Variants in SERPINB9 observed in about 807,000 individuals in gnomAD.
SERPINB9 encodes serpin B9.
A neutral mutation model predicts 27.2 loss-of-function variants in SERPINB9; 20 were observed. The observed-to-expected ratio is 0.74, with a 90% CI of 0.52 to 1.07. The LOEUF (loss-of-function observed/expected upper bound fraction) is 1.07. Ranked by LOEUF, SERPINB9 falls within the 50% of genes least tolerant of loss-of-function variation. SERPINB9 has a pLI of 0.00. For missense variants in SERPINB9, 476 were observed against 460.1 expected, an observed-to-expected ratio of 1.03 and a Z score of -0.32; for synonymous variants, 189 against 180.0, an observed-to-expected ratio of 1.05 and a Z score of -0.40.
intron 1 of SERPINB9, among the ~76,000 whole-genome samples, chr6:2,901,779 C>T (rs186597805): frequency 5.1e-4 from 78 of 152,220 alleles, no homozygotes; most frequent in East Asian, 2.1e-3. Flanking sequence ...CTTCCCACTT[C>T]GGATTCTGTG....
In SERPINB9 at chr6:2,902,956, CA is replaced by C. The variant is rs750255261; in HGVS notation, c.-11+244del. On this transcript the variant is annotated intron_variant, in intron 1 of 6. Coordinates refer to ENST00000380698, the MANE Select transcript of SERPINB9 (RefSeq NM_004155.6). ...GGGGAGGGCTTCGGCCAGGGAAGGG[CA>C]GCGAGGAGACATCCGGGAGGGAGGC... Among the ~76,000 whole-genome samples, 5 of 152,342 alleles carry C rather than the reference CA, an allele frequency of 3.3e-5. No individual in the cohort carries two copies. In the Middle Eastern group the frequency reaches 0.014, roughly 415 times the overall value.
intron 2 of SERPINB9, among the ~76,000 whole-genome samples, chr6:2,898,558 C>T (rs1311017363): frequency 6.6e-6 from 1 of 152,250 alleles, no homozygotes; most frequent in African/African-American, 2.4e-5. Context: ...TGGCTCACGC[C>T]TGTAATCCCA....
At chr6:2,898,814 GAAA>G (rs750239601) in intron 2 of SERPINB9, among the ~76,000 whole-genome samples, 1 of 137,364 alleles carries the variant, frequency 7.3e-6, no homozygotes. Context: ...ACTCTGTCTC[GAAA>G]AAAAAAAAAA....
At chr6:2,892,105 TAAAAAAAAAAAAAAA>T (rs535487251) in intron 5 of SERPINB9, 117 bp from the exon 6 acceptor site, 37 of 118,040 alleles carry the variant, frequency 3.1e-4, no homozygotes, top group Non-Finnish European at 3.9e-4. Context: ...CAGTTAACAC[TAAAAAAAAAAAAAAA>T]AAAAAAAAAA....
At chr6:2,896,785 AC>A (rs1248115710) in intron 2 of SERPINB9, among the ~76,000 whole-genome samples, 2 of 152,212 alleles carry the variant, frequency 1.3e-5, no homozygotes, top group African/African-American at 4.8e-5. Flanking sequence ...AATGAAAATC[AC>A]CTACAAAATA....
In SERPINB9 at chr6:2,889,980, A is replaced by G. The variant is rs1767731305; in HGVS notation, c.*183T>C. ...TATGGTCTATTTTCTCAAGATTCTG[A>G]TTAAGTAGCATAAGCGAGTGTGGAG... is the stretch of plus-strand genomic sequence containing the variant. On this transcript the variant is annotated 3_prime_UTR_variant, in exon 7 of 7. Transcript: ENST00000380698. 5.8e-6 allele frequency: 3 copies of G among 513,604 alleles called. No individual in the cohort carries two copies. The highest frequency in any genetic ancestry group is 1.0e-5 in the Non-Finnish European group (3 of 294,356). The allele number at this position is 513,604 out of a possible 1,614,324, so 31.8% of individuals were successfully genotyped here.
At chr6:2,893,295 CTTT>C in intron 5 of SERPINB9, 113 bp downstream of exon 5, 1 of 978,884 alleles carries the variant, frequency 1.0e-6, no homozygotes, top group Non-Finnish European at 1.4e-6. Flanking sequence ...TTCAGAAATA[CTTT>C]AAGTTTCAAA....
In SERPINB9 at chr6:2,893,456, C is replaced by T. The variant is rs750393593; in HGVS notation, c.522G>A (p.Pro174=). The change falls in exon 5 of 7, where the codon CCG becomes CCA. Residue 174 remains proline (P), a synonymous_variant. Coordinates refer to ENST00000380698, the MANE Select transcript of SERPINB9 (RefSeq NM_004155.6). The stretch of plus-strand genomic sequence containing the variant: ...TTTCCCTTGTGTATGTTTCGTCAAA[C>T]GGTTCATTCCACTTTCCTTTGAAGT... The part of the protein sequence containing the change: ...AIYFKGKWNE[P]FDETYTREMP... The T allele has an allele frequency of 1.7e-5, 28 of 1,613,060 alleles. No homozygotes were observed. The highest frequency in any genetic ancestry group is 6.7e-5 in the East Asian group (3 of 44,812).
chr6:2,903,187 G>C lies in SERPINB9; in HGVS notation c.-11+14C>G, dbSNP rs1223044741. 6.6e-6 allele frequency: 1 copy of C among 152,280 alleles called. No homozygotes were observed. Among genetic ancestry groups the C allele is most frequent in the African/African-American group, 2.4e-5 (1 of 41,450 alleles). The allele number at this position is 152,280 out of a possible 1,614,324, so 9.4% of individuals were successfully genotyped here. On this transcript the variant is annotated intron_variant, in intron 1 of 6. Coordinates refer to ENST00000380698, the MANE Select transcript of SERPINB9 (RefSeq NM_004155.6). The surrounding 1 kb of genome is among the most constrained non-coding windows in gnomAD (Gnocchi z 5.2). ...CCCGTCCCCTACCCCAGCCGTGCGC[G>C]GGGACGCCCTCACCTGCCACCTAGT...
chr6:2,900,896 C>CACACACACACACACACACACACAT (rs1768178531), intron 1 of SERPINB9, among the ~76,000 whole-genome samples: 1 of 152,118 alleles, frequency 6.6e-6, no homozygotes, highest in African/African-American at 2.4e-5. Context: ...CACACACACA[C>CACACACACACACACACACACACAT]ACACACACAC....
chr6:2,895,506 C>T lies in SERPINB9; in HGVS notation c.309G>A (p.Thr103=), dbSNP rs745831396. The change falls in exon 4 of 7, where the codon ACG becomes ACA. Residue 103 remains threonine (T), a splice_region_variant and synonymous_variant. Transcript: ENST00000380698. Reference sequence around the variant, plus strand: ...AGAATTGAAGACAGGATTCCTTAAACGTCTTTGGAGAGAAAAATGTTCAGT... The same window carrying T: ...AGAATTGAAGACAGGATTCCTTAAATGTCTTTGGAGAGAAAAATGTTCAGT... ...FGEKTCQFLS[T]FKESCLQFYH... is the part of the protein sequence containing the mutation. 1.7e-5 allele frequency: 28 copies of T among 1,608,274 alleles called. No homozygotes were observed. In the African/African-American group the frequency reaches 1.7e-4, roughly 10 times the overall value.
Position 2,890,692 on chromosome 6 carries a change from G to C in SERPINB9, c.724-122C>G. 1 of 919,348 alleles carries C rather than the reference G, an allele frequency of 1.1e-6. No homozygotes were observed. The highest frequency in any genetic ancestry group is 1.6e-6 in the Non-Finnish European group (1 of 607,258). 56.9% of individuals were successfully genotyped at this position (919,348 alleles called of 1,614,324 possible). On this transcript the variant is annotated intron_variant, in intron 6 of 6. Coordinates refer to ENST00000380698, the MANE Select transcript of SERPINB9 (RefSeq NM_004155.6). This position sits in a 1 kb window ranked among gnomAD's most constrained non-coding sequence, Gnocchi z 6.2. ...GTTGTTTGTTCACATAGGATCAGTG[G>C]CCCCTTCATCTGCCAGAAGCTTGTG...
rs1205755539 is a variant in SERPINB9, at chr6:2,894,555, C to T, written c.424+836G>A. Reference sequence around the variant, plus strand: ...CATGAAAAGTCAGGAGTGACCTTAGCAGGTAAAGGTAATGGTGATGGAGGT... The same window carrying T: ...CATGAAAAGTCAGGAGTGACCTTAGTAGGTAAAGGTAATGGTGATGGAGGT... On this transcript the variant is annotated intron_variant, in intron 4 of 6. Coordinates refer to ENST00000380698, the MANE Select transcript of SERPINB9 (RefSeq NM_004155.6). The surrounding 1 kb of genome is among the most constrained non-coding windows in gnomAD (Gnocchi z 4.7). Among the ~76,000 whole-genome samples, 1 of 152,078 alleles carries T rather than the reference C, an allele frequency of 6.6e-6. No individual in the cohort carries two copies. Among genetic ancestry groups the T allele is most frequent in the African/African-American group, 2.4e-5 (1 of 41,386 alleles).
intron 2 of SERPINB9, 123 bp from the exon 3 acceptor site, chr6:2,896,313 T>G: frequency 1.3e-6 from 1 of 774,332 alleles, no homozygotes; most frequent in Non-Finnish European, 2.1e-6. Context: ...TGGATCTCGC[T>G]TGTTTAAAGA....
rs1294967362 is a variant in SERPINB9 at position 2,891,915 on chromosome 6, G to C, written c.641C>G (p.Ala214Gly). 6.2e-7 allele frequency: 1 copy of C among 1,612,992 alleles called. No homozygotes were observed. The highest frequency in any genetic ancestry group is 1.6e-4 in the Middle Eastern group (1 of 6,082). The change falls in exon 6 of 7, where the codon GCG becomes GGG. Residue 214 changes from alanine to glycine, a missense_variant. Ala to Gly is a moderately conservative substitution (Grantham distance 60). Transcript: ENST00000380698. This position sits in a 1 kb window ranked among gnomAD's most constrained non-coding sequence, Gnocchi z 4.0. ...GGCGTAGGGCAGCTCCAGCAGCTGC[G>C]CGCGCACCTCGCCCACGTGGGCGAG... is the stretch of plus-strand genomic sequence containing the variant. ...FKLAHVGEVR[A>G]QLLELPYARK...
intron 1 of SERPINB9, 27 bp from the exon 2 acceptor site, chr6:2,900,648 C>T (rs1179060420): frequency 1.3e-6 from 2 of 1,596,758 alleles, no homozygotes; most frequent in East Asian, 2.2e-5. Context: ...AAGAGAAATG[C>T]AGTTTCCACA....
chr6:2,900,885 T>TCACACACACACACACACACACACA lies in SERPINB9; in HGVS notation c.-10-288_-10-265dup, dbSNP rs5742054. Among the ~76,000 whole-genome samples the TCACACACACACACACACACACACA allele has an allele frequency of 2.1e-3, 296 of 141,570 alleles. 5 individuals carry two copies. Among genetic ancestry groups the TCACACACACACACACACACACACA allele is most frequent in the African/African-American group, 6.5e-3 (233 of 35,840 alleles). 92.9% of individuals were successfully genotyped at this position (141,570 alleles called of 152,430 possible). On this transcript the variant is annotated intron_variant, in intron 1 of 6. Transcript: ENST00000380698. ...TGGCTCGCCTGCAGAGCTCGCTCTC[T>TCACACACACACACACACACACACA]CACACACACACACACACACACACAC... is the stretch of plus-strand genomic sequence containing the variant.
intron 1 of SERPINB9, among the ~76,000 whole-genome samples, chr6:2,900,885 T>TCTCTCACACACACACACACACA (rs61100591): frequency 0.073 from 10,347 of 141,398 alleles, 478 homozygotes; most frequent in African/African-American, 0.11. Context: ...GCTCGCTCTC[T>TCTCTCACACACACACACACACA]CACACACACA....
In SERPINB9 at chr6:2,900,524, A is replaced by G. The variant is rs750077891; in HGVS notation, c.88T>C (p.Cys30Arg). The G allele has an allele frequency of 6.2e-7, 1 of 1,614,214 alleles. No individual in the cohort carries two copies. ...CQDNPSHNVF[C>R]SPVSISSALA... is the part of the protein sequence containing the mutation. ...GCAGAGGAGATGCTCACAGGAGAACAGAACACGTTGTGCGAAGGGTTATCT... is the reference window on the plus strand; with the variant it reads ...GCAGAGGAGATGCTCACAGGAGAACGGAACACGTTGTGCGAAGGGTTATCT... Residue 30 changes from cysteine to arginine, a missense_variant, in exon 2 of 7, where the codon TGT (cysteine) becomes CGT (arginine). Physicochemically the swap from Cys to Arg is radical, Grantham distance 180 (BLOSUM62 -3). Coordinates refer to ENST00000380698, the MANE Select transcript of SERPINB9 (RefSeq NM_004155.6).
Sources: allele counts gnomAD v4.1 joint callset (sites outside exome capture counted in the v4.1 genomes callset), GRCh38; gene constraint gnomAD v4.1.1; non-coding constraint Gnocchi (gnomAD v3.1); transcripts MANE v1.5; gene names NCBI Gene and HGNC (gene_info 2026-07-23, HGNC 2026-07-21).